The following CEP152 variants were observed in gnomAD, a reference collection of about 807,000 sequenced individuals.
CEP152 encodes the protein centrosomal protein 152, also known as centrosomal protein of 152 kDa.
CEP152 carries 132 observed loss-of-function variants against 188.9 expected under a neutral mutation model. The observed-to-expected ratio is 0.70, with a 90% CI of 0.61 to 0.81. The LOEUF (loss-of-function observed/expected upper bound fraction) is 0.81, where lower values mean the gene tolerates loss of function less well. Among genes scored for constraint, CEP152 ranks in the 30% least tolerant of loss-of-function variants. The pLI, the probability that CEP152 is intolerant of heterozygous loss-of-function variation, is 0.00. For synonymous variants in CEP152, 649 were observed against 666.6 expected (o/e 0.97, Z 0.41); for missense variants, 1,914 against 1,969.8 (o/e 0.97, Z 0.54).
At chr15:48,783,818 A>G (rs1896438166) in intron 10 of CEP152, 155 bp downstream of exon 10, 4 of 347,086 alleles carry the variant, frequency 1.2e-5, no homozygotes. Flanking sequence ...CCTTCTGTAT[A>G]TATATAAAAA....
In CEP152 at chr15:48,788,142, G is replaced by A. The variant is rs193288861; in HGVS notation, c.1173+659C>T. Among the ~76,000 whole-genome samples, 211 of 152,256 alleles carry A rather than the reference G, an allele frequency of 1.4e-3. 1 individual carries two copies. Among genetic ancestry groups the A allele is most frequent in the African/African-American group, 4.6e-3 (193 of 41,552 alleles). On this transcript the variant is annotated intron_variant, in intron 9 of 26. Transcript: ENST00000380950. ...GTAACCTCTCAAGTTCTAGCCAGCC[G>A]CTGGCAGACTCATTTGTTTTGGTCT... is the stretch of plus-strand genomic sequence containing the variant.
At chr15:48,776,917 C>T (rs1895954848) in intron 12 of CEP152, among the ~76,000 whole-genome samples, 1 of 151,838 alleles carries the variant, frequency 6.6e-6, no homozygotes, top group African/African-American at 2.4e-5. Flanking sequence ...AAGAAATAAA[C>T]AGTTGACAGT....
At chr15:48,768,770 C>T (rs1295470542) in intron 14 of CEP152, among the ~76,000 whole-genome samples, 186 bp downstream of exon 14, 1 of 152,148 alleles carries the variant, frequency 6.6e-6, no homozygotes, top group Non-Finnish European at 1.5e-5. Context: ...CACTAACTTA[C>T]CTTCCAATGA....
chr15:48,785,133 G>C (rs750988971), intron 9 of CEP152, among the ~76,000 whole-genome samples: 1 of 152,142 alleles, frequency 6.6e-6, no homozygotes, highest in Non-Finnish European at 1.5e-5. Context: ...TTTGCTGCCT[G>C]ATCTGTAGTA....
At chr15:48,742,867 G>C (rs1370000318) in intron 24 of CEP152, among the ~76,000 whole-genome samples, 3 of 150,968 alleles carry the variant, frequency 2.0e-5, no homozygotes, top group African/African-American at 7.3e-5. Flanking sequence ...CACCATCTCT[G>C]TTATATTAAG....
At position 48,762,527 on chromosome 15, in the gene CEP152, A is replaced by G. The variant is rs764539302; in HGVS notation, c.2426T>C (p.Met809Thr). The G allele has an allele frequency of 1.9e-6, 3 of 1,614,030 alleles. No homozygotes were observed. Among genetic ancestry groups the G allele is most frequent in the South Asian group, 1.1e-5 (1 of 91,080 alleles). ...TTSDVISKKE[M>T]AIMIEEQKCT... ...CTTCTGCTCTTCTATCATAATTGCC[A>G]TCTCTTTCTTGGAAATAACATCACT... The change falls in exon 18 of 27, where the codon ATG (methionine) becomes ACG (threonine). Residue 809 changes from methionine to threonine, a missense_variant. Transcript: ENST00000380950.
Position 48,796,094 on chromosome 15 carries a change from G to C in CEP152, c.607C>G (p.Gln203Glu), listed in dbSNP as rs1490069836. The C allele has an allele frequency of 6.2e-7, 1 of 1,613,742 alleles. No individual in the cohort carries two copies. The highest frequency in any genetic ancestry group is 1.7e-5 in the Admixed American group (1 of 59,992). ...VTYKPYQSSA[Q>E]NNGSPAQEIT... ...TCCTGGGCTGGTGAGCCATTATTCT[G>C]GGCAGAAGACTGATAAGGTTTATAT... Residue 203 changes from glutamine (Q) to glutamate (E), a missense_variant, in exon 6 of 27, where the codon CAG becomes GAG. By Grantham distance (29) the Gln-to-Glu change is conservative. Transcript: ENST00000380950.
intron 12 of CEP152, among the ~76,000 whole-genome samples, chr15:48,773,882 T>A (rs925660041): frequency 6.6e-6 from 1 of 152,124 alleles, no homozygotes; most frequent in Non-Finnish European, 1.5e-5. Context: ...TGTCTAGCAT[T>A]CAATCAAAAT....
intron 12 of CEP152, chr15:48,773,585 G>A (rs1262683666): frequency 6.6e-6 from 1 of 152,214 alleles, no homozygotes; most frequent in Non-Finnish European, 1.5e-5. Flanking sequence ...TGTTCTGTAT[G>A]AGTGGCTAGG....
chr15:48,759,637 C>A (rs750102319), intron 19 of CEP152, among the ~76,000 whole-genome samples: 10 of 152,124 alleles, frequency 6.6e-5, no homozygotes, highest in Non-Finnish European at 1.3e-4. Flanking sequence ...ACTTCAAATA[C>A]ATTCAGTTTG....
intron 2 of CEP152, among the ~76,000 whole-genome samples, chr15:48,730,587 G>A (rs1030167962): frequency 6.6e-6 from 1 of 152,160 alleles, no homozygotes; most frequent in Non-Finnish European, 1.5e-5. Flanking sequence ...CAAAGTGGAG[G>A]AAGACTGGAA....
intron 1 of CEP152, among the ~76,000 whole-genome samples, chr15:48,808,647 CA>C (rs1346461892): frequency 3.4e-5 from 5 of 147,604 alleles, no homozygotes; most frequent in Non-Finnish European, 6.0e-5. Flanking sequence ...AACAAACAAA[CA>C]AAAAAAAAAC....
intron 17 of CEP152, among the ~76,000 whole-genome samples, chr15:48,764,919 G>C (rs1340346489): frequency 6.6e-6 from 1 of 151,448 alleles, no homozygotes; most frequent in Non-Finnish European, 1.5e-5. Flanking sequence ...CTGCATGGAA[G>C]AGCTACCCCA....
chr15:48,768,385 T>C (rs1236862504), intron 14 of CEP152, 57 bp from the exon 15 acceptor site: 6 of 926,516 alleles, frequency 6.5e-6, no homozygotes, highest in Non-Finnish European at 1.0e-5. Flanking sequence ...TTTTCACTGA[T>C]TGATTTTGTC....
At chr15:48,793,530 T>G in intron 6 of CEP152, 69 bp from the exon 7 acceptor site, 1 of 1,423,876 alleles carries the variant, frequency 7.0e-7, no homozygotes, top group Non-Finnish European at 9.7e-7. Context: ...TTTAAAGCAG[T>G]GTTTTTCAAA....
At chr15:48,799,579 C>T (rs139894472) in intron 2 of CEP152, among the ~76,000 whole-genome samples, 3 of 152,144 alleles carry the variant, frequency 2.0e-5, no homozygotes, top group Non-Finnish European at 2.9e-5. Flanking sequence ...TCTTTTAACG[C>T]TAACATTAAC....
chr15:48,736,132 A>C (rs1235715257), downstream of CEP152, among the ~76,000 whole-genome samples: 1 of 152,194 alleles, frequency 6.6e-6, no homozygotes, highest in East Asian at 1.9e-4. Context: ...AAGAAAATAC[A>C]TTACTTAAAA....
In CEP152 at chr15:48,748,429, C is replaced by T. The variant is rs957623896; in HGVS notation, c.3634+14G>A. On this transcript the variant is annotated intron_variant, in intron 22 of 26. Transcript: ENST00000380950. Reference sequence around the variant, plus strand: ...GAAATTCATATTGGTAGCAGTGCTACTTTAAATGCTAACCTCCAATTTTTT... The same window carrying T: ...GAAATTCATATTGGTAGCAGTGCTATTTTAAATGCTAACCTCCAATTTTTT... The T allele has an allele frequency of 2.4e-5, 37 of 1,523,146 alleles. No individual in the cohort carries two copies. The highest frequency in any genetic ancestry group is 3.0e-5 in the Non-Finnish European group (34 of 1,141,230). The allele number at this position is 1,523,146 out of a possible 1,614,324, so 94.4% of individuals were successfully genotyped here. A position where few individuals can be genotyped will look rare whatever the true frequency, so the allele number is the denominator to read the frequency against.
intron 24 of CEP152, among the ~76,000 whole-genome samples, chr15:48,743,725 T>C (rs919430703): frequency 7.9e-5 from 12 of 152,036 alleles, no homozygotes; most frequent in African/African-American, 2.9e-4. Flanking sequence ...TAGCTGGGTG[T>C]GGTGATGCAT....
Sources: gnomAD v4.1 joint callset for allele counts (sites outside exome capture counted in the v4.1 genomes callset) on GRCh38, gnomAD v4.1.1 for gene constraint, MANE v1.5 for transcripts, NCBI Gene and HGNC (gene_info 2026-07-23, HGNC 2026-07-21) for gene names.